Variants in MACROD2 observed in about 807,000 individuals in gnomAD.
MACROD2 encodes mono-ADP ribosylhydrolase 2, also known as ADP-ribose glycohydrolase MACROD2.
MACROD2 carries 36 observed loss-of-function variants against 70.4 expected under a neutral mutation model. The observed-to-expected ratio is 0.51, with a 90% CI of 0.39 to 0.68. The LOEUF (loss-of-function observed/expected upper bound fraction) is 0.68, where lower values mean the gene tolerates loss of function less well. Ranked by LOEUF, MACROD2 falls within the 30% of genes least tolerant of loss-of-function variation. The probability of loss-of-function intolerance (pLI) is 0.00; values close to 1 mark genes in which losing one functional copy is unlikely to be tolerated. For missense variants in MACROD2, 496 were observed against 538.4 expected, an observed-to-expected ratio of 0.92 and a Z score of 0.78; for synonymous variants, 172 against 178.8, an observed-to-expected ratio of 0.96 and a Z score of 0.30.
chr20:15,358,023 TG>T, intron 6 of MACROD2, among the ~76,000 whole-genome samples: 1 of 152,130 alleles, frequency 6.6e-6, no homozygotes, highest in East Asian at 1.9e-4. Flanking sequence ...TTAGCCAGGA[TG>T]GTCTCTATCT....
chr20:14,577,874 T>G (rs558585103), intron 4 of MACROD2, among the ~76,000 whole-genome samples: 3 of 128,750 alleles, frequency 2.3e-5, no homozygotes, highest in Non-Finnish European at 5.3e-5. Flanking sequence ...AAGTTAGAAT[T>G]CAGAAAAAAT....
At chr20:15,863,459 T>C (rs1279612260) in intron 9 of MACROD2, among the ~76,000 whole-genome samples, 1 of 152,178 alleles carries the variant, frequency 6.6e-6, no homozygotes, top group East Asian at 1.9e-4. Flanking sequence ...AATTTGGATG[T>C]TTTTCTCCAC....
At chr20:15,479,333 C>A (rs930578610) in intron 7 of MACROD2, among the ~76,000 whole-genome samples, 1 of 128,820 alleles carries the variant, frequency 7.8e-6, no homozygotes, top group African/African-American at 3.1e-5. Context: ...AGTGCAGTGG[C>A]GGGATCTCGG....
chr20:15,884,179 G>A (rs2147206745), intron 9 of MACROD2, among the ~76,000 whole-genome samples: 1 of 152,154 alleles, frequency 6.6e-6, no homozygotes, highest in Non-Finnish European at 1.5e-5. Context: ...TGTATTTAAA[G>A]TCCATACCAA....
chr20:15,696,716 A>G (rs548942002), intron 8 of MACROD2, among the ~76,000 whole-genome samples: 1 of 116,026 alleles, frequency 8.6e-6, no homozygotes, highest in Non-Finnish European at 1.7e-5. Context: ...TTTAGTTACC[A>G]TTTCAATCTT....
intron 2 of MACROD2, among the ~76,000 whole-genome samples, chr20:14,063,592 CACA>C (rs1185025510): frequency 1.3e-4 from 20 of 152,116 alleles, no homozygotes; most frequent in African/African-American, 4.3e-4. Flanking sequence ...TTGTTTAGTG[CACA>C]ACATTATTAA....
intron 3 of MACROD2, among the ~76,000 whole-genome samples, chr20:14,374,896 T>G (rs892354170): frequency 1.3e-5 from 2 of 152,188 alleles, no homozygotes; most frequent in African/African-American, 4.8e-5. Context: ...TCTCCCAATT[T>G]GGGTAGTATG....
intron 10 of MACROD2, among the ~76,000 whole-genome samples, chr20:15,902,398 G>T (rs1463872307): frequency 6.6e-6 from 1 of 152,014 alleles, no homozygotes; most frequent in Non-Finnish European, 1.5e-5. Flanking sequence ...AGGGTATGTG[G>T]CATTGGGGAT....
At chr20:15,230,642 C>T (rs893737239) in intron 6 of MACROD2, among the ~76,000 whole-genome samples, 2 of 152,054 alleles carry the variant, frequency 1.3e-5, no homozygotes, top group Non-Finnish European at 2.9e-5. Context: ...TATACCACAG[C>T]TCTTCTAAGT....
intron 5 of MACROD2, among the ~76,000 whole-genome samples, chr20:14,985,774 T>G (rs1305184233): frequency 7.3e-5 from 11 of 151,688 alleles, no homozygotes. Flanking sequence ...ATTCTTATTT[T>G]TATTTTTTAT....
chr20:15,764,471 C>G (rs1431301791), intron 8 of MACROD2, among the ~76,000 whole-genome samples: 1 of 152,166 alleles, frequency 6.6e-6, no homozygotes, highest in Non-Finnish European at 1.5e-5. Context: ...ACCTGTTTTG[C>G]CCAGCCTTTC....
chr20:15,912,553 C>G (rs543060975), intron 10 of MACROD2, among the ~76,000 whole-genome samples: 1 of 152,312 alleles, frequency 6.6e-6, no homozygotes, highest in East Asian at 1.9e-4. Flanking sequence ...TTTCAACTTA[C>G]TCACTATACA....
chr20:15,940,124 A>G (rs2065729017), intron 12 of MACROD2, among the ~76,000 whole-genome samples: 1 of 151,844 alleles, frequency 6.6e-6, no homozygotes, highest in Non-Finnish European at 1.5e-5. Context: ...ATGGAGTTTC[A>G]CTCTTGTTGC....
At chr20:15,256,558 C>G (rs1311189381) in intron 6 of MACROD2, among the ~76,000 whole-genome samples, 1 of 151,792 alleles carries the variant, frequency 6.6e-6, no homozygotes, top group African/African-American at 2.4e-5. Flanking sequence ...TATATAGTAA[C>G]TATCGAACTG....
intron 5 of MACROD2, among the ~76,000 whole-genome samples, chr20:15,141,884 A>G (rs1029368178): frequency 6.6e-6 from 1 of 152,116 alleles, no homozygotes; most frequent in Non-Finnish European, 1.5e-5. Flanking sequence ...CTTTTGCATC[A>G]TCTCTGCCAG....
chr20:14,266,913 T>C (rs183307549), intron 3 of MACROD2, among the ~76,000 whole-genome samples: 2 of 152,166 alleles, frequency 1.3e-5, no homozygotes. Flanking sequence ...GAACATATTG[T>C]AATCAGTATT....
In MACROD2 at chr20:14,247,963, TG is replaced by T. The variant is rs578141471; in HGVS notation, c.271+162237del. On this transcript the variant is annotated intron_variant, in intron 3 of 17. Transcript: ENST00000684519. Reference sequence around the variant, plus strand: ...TTTAATCAAAACACAGCATCATAGGTGGAGACTGAAAGCCTGCTGCTGTTTG... The same window carrying T: ...TTTAATCAAAACACAGCATCATAGGTGAGACTGAAAGCCTGCTGCTGTTTG... Among the ~76,000 whole-genome samples the T allele has an allele frequency of 1.2e-4, 19 of 152,278 alleles. 1 individual carries two copies. The South Asian group carries it at 2.1e-3, about 17-fold the overall frequency.
At chr20:14,995,060 A>G (rs1057485574) in intron 5 of MACROD2, among the ~76,000 whole-genome samples, 2 of 152,192 alleles carry the variant, frequency 1.3e-5, no homozygotes, top group African/African-American at 4.8e-5. Context: ...ATGGAAATAC[A>G]AAACTACATC....
At chr20:14,782,049 G>T (rs865871182) in intron 5 of MACROD2, among the ~76,000 whole-genome samples, 2 of 151,632 alleles carry the variant, frequency 1.3e-5, no homozygotes, top group African/African-American at 4.9e-5. Flanking sequence ...TCAGCCTCCC[G>T]AGTAGCTGGG....
Sources: allele counts gnomAD v4.1 joint callset (sites outside exome capture counted in the v4.1 genomes callset), GRCh38; gene constraint gnomAD v4.1.1; transcripts MANE v1.5; gene names NCBI Gene and HGNC (gene_info 2026-07-23, HGNC 2026-07-21).